Variants in FYN observed in about 807,000 individuals in gnomAD.
FYN encodes the protein FYN proto-oncogene, Src family tyrosine kinase.
FYN carries 10 observed loss-of-function variants against 70.2 expected under a neutral mutation model. The observed-to-expected ratio is 0.14, with a 90% confidence interval of 0.09 to 0.24. The LOEUF is 0.24. Ranked by LOEUF, FYN falls within the 10% of genes least tolerant of loss-of-function variation. The pLI is 1.00. For synonymous variants in FYN, 236 were observed against 248.6 expected (o/e 0.95, Z 0.48); for missense variants, 319 against 673.1 (o/e 0.47, Z 5.82).
intron 4 of FYN, among the ~76,000 whole-genome samples, chr6:111,717,854 G>A (rs1441403386): frequency 1.3e-5 from 2 of 152,212 alleles, no homozygotes; most frequent in Non-Finnish European, 2.9e-5. Flanking sequence ...GGACCACAGA[G>A]AAGAGTGGGG....
chr6:111,842,229 C>T (rs1240096392), intron 2 of FYN, among the ~76,000 whole-genome samples: 12 of 152,148 alleles, frequency 7.9e-5, no homozygotes, highest in Admixed American at 7.9e-4. Context: ...CCACTTTGGC[C>T]TCCTATAGTT....
intron 2 of FYN, among the ~76,000 whole-genome samples, chr6:111,806,332 G>A (rs1772145837): frequency 6.6e-6 from 1 of 152,084 alleles, no homozygotes; most frequent in Non-Finnish European, 1.5e-5. Flanking sequence ...CAGAGGAGGA[G>A]GGGGTGGGAC....
Position 111,694,212 on chromosome 6 carries a change from A to G in FYN, c.1273+163T>C, listed in dbSNP as rs1417002869. ...GGGCCCACAACAGTCTCCCACCTGC[A>G]GAGCTGTCAAATTCCTGCCAGATCA... is the stretch of plus-strand genomic sequence containing the variant. On this transcript the variant is annotated intron_variant, in intron 12 of 13. Coordinates refer to ENST00000354650, the MANE Select transcript of FYN (RefSeq NM_002037.5). This position sits in a 1 kb window ranked among gnomAD's most constrained non-coding sequence, Gnocchi z 5.0. Among the ~76,000 whole-genome samples, 2 of 152,156 alleles carry G rather than the reference A, an allele frequency of 1.3e-5. No homozygotes were observed. Among genetic ancestry groups the G allele is most frequent in the Admixed American group, 6.5e-5 (1 of 15,274 alleles).
intron 9 of FYN, chr6:111,699,738 A>G: frequency 1.4e-6 from 2 of 1,453,336 alleles, no homozygotes; most frequent in Non-Finnish European, 1.9e-6. Context: ...GCACTAGGAA[A>G]GATGGAAGGT....
chr6:111,730,657 T>G lies in FYN; in HGVS notation c.-11-10595A>C, dbSNP rs112754326. ...AGCTGGGCATTTTAATGCTTTGACT[T>G]TGAGCCACTGCCCCTAGAACCTGGG... On this transcript the variant is annotated intron_variant, in intron 3 of 13. Transcript: ENST00000354650. 1.7e-3 allele frequency among the ~76,000 whole-genome samples: 263 copies of G among 152,236 alleles called. 2 individuals carry two copies. Among genetic ancestry groups the G allele is most frequent in the African/African-American group, 6.1e-3 (253 of 41,538 alleles).
intron 4 of FYN, among the ~76,000 whole-genome samples, chr6:111,717,220 A>G (rs1800690238): frequency 6.6e-6 from 1 of 152,036 alleles, no homozygotes; most frequent in South Asian, 2.1e-4. Flanking sequence ...TTTGAGCTGT[A>G]TGTTTGATCA....
chr6:111,869,489 C>T (rs779924080), intron 1 of FYN, among the ~76,000 whole-genome samples: 6 of 152,218 alleles, frequency 3.9e-5, no homozygotes, highest in Non-Finnish European at 8.8e-5. Flanking sequence ...CTCCCAGGCT[C>T]AAGTGATCCT....
At chr6:111,801,715 G>A (rs1057506137) in intron 2 of FYN, among the ~76,000 whole-genome samples, 1 of 152,156 alleles carries the variant, frequency 6.6e-6, no homozygotes, top group African/African-American at 2.4e-5. Context: ...AACAGTGCCT[G>A]GGTTGTGCAC....
chr6:111,871,275 C>T (rs908805482), intron 1 of FYN, among the ~76,000 whole-genome samples: 1 of 152,216 alleles, frequency 6.6e-6, no homozygotes, highest in African/African-American at 2.4e-5. Context: ...AGTTCATAGC[C>T]AAGTGGCCTC....
At chr6:111,853,151 G>T (rs184297791) in intron 1 of FYN, among the ~76,000 whole-genome samples, 3 of 152,226 alleles carry the variant, frequency 2.0e-5, no homozygotes, top group African/African-American at 7.2e-5. Flanking sequence ...AGATTCCCTA[G>T]AATTCATACT....
Position 111,865,357 on chromosome 6 carries a change from G to A in FYN, c.-123+7611C>T, listed in dbSNP as rs542629720. Among the ~76,000 whole-genome samples, 4 of 152,292 alleles carry A rather than the reference G, an allele frequency of 2.6e-5. No homozygotes were observed. The South Asian group carries it at 8.3e-4, about 32-fold the overall frequency. On this transcript the variant is annotated intron_variant, in intron 1 of 13. Coordinates refer to ENST00000354650, the MANE Select transcript of FYN (RefSeq NM_002037.5). ...GTTCTGGAAGCAGGCTGAGACAAATGGGAAAGCGCTCTCAACCAAATATTA... is the reference window on the plus strand; with the variant it reads ...GTTCTGGAAGCAGGCTGAGACAAATAGGAAAGCGCTCTCAACCAAATATTA...
intron 3 of FYN, among the ~76,000 whole-genome samples, chr6:111,773,457 G>A (rs2128501381): frequency 1.2e-5 from 1 of 86,596 alleles, no homozygotes. Flanking sequence ...GGGAGAGGGA[G>A]AGAGTGGGAA....
chr6:111,682,510 G>A (rs1798819735), intron 12 of FYN, among the ~76,000 whole-genome samples: 1 of 152,238 alleles, frequency 6.6e-6, no homozygotes, highest in Non-Finnish European at 1.5e-5. Context: ...ACATTAAGAT[G>A]ATGGCATGGG....
chr6:111,702,937 A>T lies in FYN; in HGVS notation c.645T>A (p.Ile215=), dbSNP rs1267169384. ...GTGTTTCAAACTGGGCCCGGGTGGTAATGTAGTATCCACCATTGTCAAGTT... is the reference window on the plus strand; with the variant it reads ...GTGTTTCAAACTGGGCCCGGGTGGTTATGTAGTATCCACCATTGTCAAGTT... ...IRKLDNGGYY[I]TTRAQFETLQ... is the part of the protein sequence containing the mutation. Residue 215 remains isoleucine (I), a synonymous_variant, in exon 8 of 14, where the codon ATT becomes ATA. Coordinates refer to ENST00000354650, the MANE Select transcript of FYN (RefSeq NM_002037.5). The T allele has an allele frequency of 6.2e-7, 1 of 1,614,040 alleles. No homozygotes were observed. The highest frequency in any genetic ancestry group is 1.7e-5 in the Admixed American group (1 of 60,010).
intron 3 of FYN, among the ~76,000 whole-genome samples, chr6:111,734,445 T>C (rs1162214805): frequency 6.6e-6 from 1 of 152,232 alleles, no homozygotes; most frequent in Non-Finnish European, 1.5e-5. Context: ...TAAAGTACTC[T>C]TTCTTACTAC....
At chr6:111,764,216 C>CA (rs11409465) in intron 3 of FYN, among the ~76,000 whole-genome samples, 30,617 of 58,636 alleles carry the variant, frequency 0.52, 7,863 homozygotes, top group Non-Finnish European at 0.59. Flanking sequence ...TTTTGTCAAG[C>CA]AAAAAAAAAA....
At chr6:111,662,440 C>A (rs1018885360) in intron 13 of FYN, among the ~76,000 whole-genome samples, 1 of 152,106 alleles carries the variant, frequency 6.6e-6, no homozygotes, top group Non-Finnish European at 1.5e-5. Flanking sequence ...TTTTAACAAC[C>A]CTTTAAAAAC....
chr6:111,750,141 G>A (rs960572169), intron 3 of FYN, among the ~76,000 whole-genome samples: 2 of 152,124 alleles, frequency 1.3e-5, no homozygotes, highest in East Asian at 1.9e-4. Context: ...CAACATAACC[G>A]ATACAGTTTG....
intron 3 of FYN, among the ~76,000 whole-genome samples, chr6:111,762,364 A>G (rs941501972): frequency 6.6e-6 from 1 of 152,164 alleles, no homozygotes; most frequent in African/African-American, 2.4e-5. Flanking sequence ...CAAGTGACTA[A>G]GTGGACCCTC....
Sources: allele counts gnomAD v4.1 joint callset (sites outside exome capture counted in the v4.1 genomes callset), GRCh38; gene constraint gnomAD v4.1.1; non-coding constraint Gnocchi (gnomAD v3.1); transcripts MANE v1.5; gene names NCBI Gene and HGNC (gene_info 2026-07-23, HGNC 2026-07-21).